Variants in MCC observed in about 807,000 individuals in gnomAD.
The protein encoded by MCC is MCC regulator of Wnt signaling pathway.
MCC carries 90 observed loss-of-function variants against 116.2 expected under a neutral mutation model. The ratio of observed to expected loss-of-function variants is 0.77; its 90% confidence interval spans 0.65 to 0.92. MCC has a LOEUF of 0.92. Ranked by LOEUF, MCC falls within the 40% of genes least tolerant of loss-of-function variation. MCC has a pLI of 0.00. For missense variants in MCC, 1,516 were observed against 1,312.2 expected (o/e 1.16, Z -2.40); for synonymous variants, 578 against 510.5 (o/e 1.13, Z -1.78).
Position 113,085,170 on chromosome 5 carries a change from G to T in MCC, c.1539C>A (p.Ile513=), listed in dbSNP as rs763704088. 122 of 1,614,176 alleles carry T rather than the reference G, an allele frequency of 7.6e-5. No homozygotes were observed. The Admixed American group carries it at 2.0e-3, about 27-fold the overall frequency. The change falls in exon 9 of 19, where the codon ATC becomes ATA. Residue 513 remains isoleucine (I), a synonymous_variant. Transcript: ENST00000408903. ...TCCATCCCCAGGAACTCACCTTGGC[G>T]ATGGGAATGTCATTGCTGCTGCTGC... The part of the protein sequence containing the change: ...STSSSSNDIP[I]AKIAERVKLS...
At chr5:113,185,141 G>A (rs78547914) in intron 3 of MCC, among the ~76,000 whole-genome samples, 13 of 152,064 alleles carry the variant, frequency 8.5e-5, no homozygotes, top group African/African-American at 3.1e-4. Flanking sequence ...AAGAGAGAGT[G>A]GGCATAAGGG....
intron 2 of MCC, among the ~76,000 whole-genome samples, chr5:113,382,981 T>A (rs1345462949): frequency 6.6e-6 from 1 of 152,188 alleles, no homozygotes; most frequent in East Asian, 1.9e-4. Context: ...TTCCCAAGGG[T>A]ATAAGGTTAT....
rs1381536921 is a variant in MCC at position 113,085,257 on chromosome 5, G to C, written c.1452C>G (p.Ser484Arg). The C allele has an allele frequency of 4.3e-6, 7 of 1,614,176 alleles. No individual in the cohort carries two copies. The highest frequency in any genetic ancestry group is 5.9e-6 in the Non-Finnish European group (7 of 1,180,028). ...LQSVQATGPS[S>R]PGRLTSTNRP... ...GGTTGGTGGAAGTGAGGCGGCCAGG[G>C]CTGGAGGGACCTGTGGCCTGCACGC... Residue 484 changes from serine (S) to arginine (R), a missense_variant, in exon 9 of 19, where the codon AGC becomes AGG. Transcript: ENST00000408903.
chr5:113,469,377 G>A (rs1772013188), intron 1 of MCC, among the ~76,000 whole-genome samples: 1 of 152,016 alleles, frequency 6.6e-6, no homozygotes, highest in South Asian at 2.1e-4. Context: ...ATTCTGGTAT[G>A]TTGTGTCTTT....
At chr5:113,055,073 A>G (rs1298815095) in intron 14 of MCC, among the ~76,000 whole-genome samples, 2 of 152,202 alleles carry the variant, frequency 1.3e-5, no homozygotes, top group East Asian at 3.8e-4. Context: ...GCAGAGGCCT[A>G]CTGACCTTGC....
rs550472737 is a variant in MCC at position 113,180,556 on chromosome 5, A to G, written c.628-29134T>C. 2.0e-5 allele frequency among the ~76,000 whole-genome samples: 3 copies of G among 152,144 alleles called. No individual in the cohort carries two copies. In the South Asian group the frequency reaches 6.2e-4, roughly 32 times the overall value. ...TAGTTTGGGGGCTCTTTCTTCTTCA[A>G]CTTCTGGGTAAAAGCATGGCCCAAG... is the stretch of plus-strand genomic sequence containing the variant. On this transcript the variant is annotated intron_variant, in intron 3 of 18. Coordinates refer to ENST00000408903, the MANE Select transcript of MCC (RefSeq NM_001085377.2).
chr5:113,296,077 G>A (rs1766701626), intron 3 of MCC, among the ~76,000 whole-genome samples: 1 of 152,188 alleles, frequency 6.6e-6, no homozygotes. Flanking sequence ...TGATGGAGGT[G>A]CTGCTGGGAT....
intron 5 of MCC, among the ~76,000 whole-genome samples, chr5:113,128,684 C>T (rs993351634): frequency 6.6e-5 from 10 of 152,150 alleles, no homozygotes; most frequent in Non-Finnish European, 1.3e-4. Flanking sequence ...GATCCATATT[C>T]AAGAACTTCC....
At chr5:113,225,684 C>A (rs1232053979) in intron 3 of MCC, among the ~76,000 whole-genome samples, 1 of 152,220 alleles carries the variant, frequency 6.6e-6, no homozygotes, top group African/African-American at 2.4e-5. Flanking sequence ...ATACCAGGCA[C>A]CTCCTCTGTT....
At chr5:113,466,271 G>C (rs1049113563) in intron 1 of MCC, among the ~76,000 whole-genome samples, 97 of 151,684 alleles carry the variant, frequency 6.4e-4, no homozygotes, top group African/African-American at 2.2e-3. Context: ...CCATGCTGGT[G>C]TGCTGCACCC....
intron 3 of MCC, chr5:113,294,742 C>A (rs987143096): frequency 1.0e-6 from 1 of 996,828 alleles, no homozygotes; most frequent in Admixed American, 6.0e-5. Flanking sequence ...CCTCGCCGCC[C>A]CCCATTACCA....
At chr5:113,478,388 G>A (rs1468227067) in intron 1 of MCC, among the ~76,000 whole-genome samples, 1 of 152,196 alleles carries the variant, frequency 6.6e-6, no homozygotes, top group African/African-American at 2.4e-5. Context: ...GAAACGGTTG[G>A]ATATTAGGTA....
intron 1 of MCC, among the ~76,000 whole-genome samples, chr5:113,443,779 T>C (rs1771121347): frequency 6.6e-6 from 1 of 152,174 alleles, no homozygotes; most frequent in South Asian, 2.1e-4. Context: ...ATTGGTTGTG[T>C]TTATTTGATG....
In MCC at chr5:113,488,403, G is replaced by A. The variant is rs561789390; in HGVS notation, c.12C>T (p.Ala4=). 5 of 1,396,902 alleles carry A rather than the reference G, an allele frequency of 3.6e-6. No homozygotes were observed. The East Asian group carries it at 9.1e-5, about 26-fold the overall frequency. The allele number at this position is 1,396,902 out of a possible 1,614,324, so 86.5% of individuals were successfully genotyped here. MMA[A]AAAAAAGSSS... is the part of the protein sequence containing the mutation. ...AGCTCCCCGCAGCCGCTGCCGCCGC[G>A]GCCGCCATCATGCGCCCGCTCCCTA... is the stretch of plus-strand genomic sequence containing the variant. The change falls in exon 1 of 19, where the codon GCC becomes GCT. Residue 4 remains alanine (A), a synonymous_variant. Transcript: ENST00000408903.
intron 1 of MCC, among the ~76,000 whole-genome samples, chr5:113,421,047 G>A (rs1361389846): frequency 1.3e-5 from 2 of 150,600 alleles, no homozygotes; most frequent in Non-Finnish European, 3.0e-5. Flanking sequence ...TTTTTGAGAT[G>A]GAGTCTCACT....
chr5:113,028,897 G>A, intron 18 of MCC, 37 bp downstream of exon 18: 9 of 1,604,892 alleles, frequency 5.6e-6, no homozygotes, highest in Middle Eastern at 1.7e-4. Context: ...TACCACAGGT[G>A]GAGGGCGGTG....
chr5:113,057,116 C>T lies in MCC; in HGVS notation c.2214-3157G>A, dbSNP rs115117280. Among the ~76,000 whole-genome samples the T allele has an allele frequency of 7.8e-3, 1,184 of 152,136 alleles. 9 individuals are homozygous for T. The highest frequency in any genetic ancestry group is 0.014 in the Middle Eastern group (4 of 294). The stretch of plus-strand genomic sequence containing the variant: ...TAGGCAGGGAGTGCGGCCAGCAGAA[C>T]GAGATGGTGACTGAAGCAGTCAGGC... On this transcript the variant is annotated intron_variant, in intron 14 of 18. Transcript: ENST00000408903.
chr5:113,340,261 T>C (rs1343421589), intron 3 of MCC, among the ~76,000 whole-genome samples: 1 of 152,242 alleles, frequency 6.6e-6, no homozygotes, highest in Non-Finnish European at 1.5e-5. Flanking sequence ...GTGCATCTTC[T>C]AGTAATTAAA....
chr5:113,065,734 C>T (rs954266657), intron 13 of MCC, among the ~76,000 whole-genome samples: 1 of 152,228 alleles, frequency 6.6e-6, no homozygotes, highest in Non-Finnish European at 1.5e-5. Context: ...ATCATAGATA[C>T]TGTGGGTGCA....
Sources: allele counts gnomAD v4.1 joint callset (sites outside exome capture counted in the v4.1 genomes callset), GRCh38; gene constraint gnomAD v4.1.1; transcripts MANE v1.5; gene names NCBI Gene and HGNC (gene_info 2026-07-23, HGNC 2026-07-21).